Variants in NCKAP5 observed in about 807,000 individuals in gnomAD.
The protein encoded by NCKAP5 is NCK associated protein 5.
A neutral mutation model predicts 167.0 loss-of-function variants in NCKAP5; 92 were observed. The observed-to-expected ratio is 0.55, with a 90% confidence interval of 0.47 to 0.66. The LOEUF is 0.66. Ranked by LOEUF, NCKAP5 falls within the 30% of genes least tolerant of loss-of-function variation. NCKAP5 has a pLI of 0.00. For missense variants in NCKAP5, 2,378 were observed against 2,315.0 expected (o/e 1.03, Z -0.56); for synonymous variants, 891 against 877.4 (o/e 1.02, Z -0.27).
chr2:133,403,719 C>A (rs1688244161), intron 3 of NCKAP5, among the ~76,000 whole-genome samples: 1 of 152,214 alleles, frequency 6.6e-6, no homozygotes, highest in Non-Finnish European at 1.5e-5. Flanking sequence ...GGGCACGTTT[C>A]CTGTGATGCT....
At chr2:133,543,447 T>C (rs1173851273) in intron 2 of NCKAP5, among the ~76,000 whole-genome samples, 1 of 152,228 alleles carries the variant, frequency 6.6e-6, no homozygotes, top group Non-Finnish European at 1.5e-5. Context: ...CAGTACCAAG[T>C]AAGTGTACGA....
intron 9 of NCKAP5, among the ~76,000 whole-genome samples, chr2:132,875,367 C>G (rs551726530): frequency 6.6e-6 from 1 of 152,296 alleles, no homozygotes; most frequent in East Asian, 1.9e-4. Flanking sequence ...GCTCACCTAC[C>G]CGCTGCTCCT....
chr2:133,212,186 G>T (rs17800107), intron 5 of NCKAP5, among the ~76,000 whole-genome samples: 1 of 151,906 alleles, frequency 6.6e-6, no homozygotes, highest in African/African-American at 2.4e-5. Flanking sequence ...CAACTAGAAC[G>T]TCGCTGACGA....
intron 9 of NCKAP5, among the ~76,000 whole-genome samples, chr2:132,871,347 G>A (rs549166404): frequency 1.1e-4 from 16 of 152,194 alleles, no homozygotes; most frequent in Admixed American, 4.6e-4. Flanking sequence ...CAGAAGAATC[G>A]AACTATTCAT....
chr2:133,201,594 T>G (rs1376450468), intron 5 of NCKAP5, among the ~76,000 whole-genome samples: 3 of 152,192 alleles, frequency 2.0e-5, no homozygotes, highest in Non-Finnish European at 4.4e-5. Context: ...GAATTTATTG[T>G]GGTGATAAAG....
chr2:133,415,017 C>G (rs1689018100), intron 3 of NCKAP5, among the ~76,000 whole-genome samples: 1 of 152,176 alleles, frequency 6.6e-6, no homozygotes, highest in Admixed American at 6.5e-5. Flanking sequence ...TATGCTCACT[C>G]TATGCTTAGC....
chr2:133,588,304 TCCCTCCCTCCCCCTTCCTC>T, the NCKAP5 span, among the ~76,000 whole-genome samples: 1 of 116,878 alleles, frequency 8.6e-6, no homozygotes, highest in African/African-American at 3.3e-5. Flanking sequence ...TCGTCTTCTC[TCCCTCCCTCCCCCTTCCTC>T]CCCTCCCTTC....
Position 133,008,129 on chromosome 2 carries a change from G to A in NCKAP5, c.342-13890C>T, listed in dbSNP as rs187388168. On this transcript the variant is annotated intron_variant, in intron 6 of 19. Transcript: ENST00000409261. ...AATTGTGTCCAGGTGACTCAGGGCCGAAATTCAAGCAGGGCAAGTAAGTGT... is the reference window on the plus strand; with the variant it reads ...AATTGTGTCCAGGTGACTCAGGGCCAAAATTCAAGCAGGGCAAGTAAGTGT... 5.9e-5 allele frequency among the ~76,000 whole-genome samples: 9 copies of A among 152,248 alleles called. No individual in the cohort carries two copies. In the East Asian group the frequency reaches 9.6e-4, roughly 16 times the overall value.
chr2:132,766,829 C>T (rs939693529), intron 16 of NCKAP5, among the ~76,000 whole-genome samples: 6 of 152,226 alleles, frequency 3.9e-5, no homozygotes, highest in African/African-American at 1.4e-4. Flanking sequence ...TTTCATTTGA[C>T]TGTGGTGTAG....
At position 132,725,732 on chromosome 2, in the gene NCKAP5, A is replaced by T. The variant is rs1247881963; in HGVS notation, c.5608T>A (p.Ser1870Thr). ...TCACTATTACTGCCACCGCTGGCAG[A>T]GTACGTACACATTCTGGGTGCCTTG... Reference protein sequence around the residue: ...QDKAPRMCTYSASGGSNSDSD... With the variant: ...QDKAPRMCTYTASGGSNSDSD... Residue 1870 changes from serine to threonine, a missense_variant, in exon 19 of 20, where the codon TCT (serine) becomes ACT (threonine). Physicochemically the swap from Ser to Thr is moderately conservative, Grantham distance 58 (BLOSUM62 1). Transcript: ENST00000409261. 6.2e-7 allele frequency: 1 copy of T among 1,613,518 alleles called. No homozygotes were observed. The highest frequency in any genetic ancestry group is 1.3e-5 in the African/African-American group (1 of 74,916).
chr2:133,344,309 G>A (rs529602210), intron 3 of NCKAP5, among the ~76,000 whole-genome samples: 1 of 151,792 alleles, frequency 6.6e-6, no homozygotes, highest in African/African-American at 2.4e-5. Flanking sequence ...CCAGAAGGCT[G>A]AGGCGGGAGA....
At chr2:133,308,079 A>ATTTTTTTTTT (rs60111877) in intron 3 of NCKAP5, among the ~76,000 whole-genome samples, 1 of 89,396 alleles carries the variant, frequency 1.1e-5, no homozygotes, top group Non-Finnish European at 2.2e-5. Context: ...TTATTGTTCT[A>ATTTTTTTTTT]TTTTTTTTTT....
At chr2:133,610,681 T>G in the NCKAP5 span, among the ~76,000 whole-genome samples, 1 of 152,064 alleles carries the variant, frequency 6.6e-6, no homozygotes, top group Non-Finnish European at 1.5e-5. Context: ...TGGTTAAAAG[T>G]TAATAAACAC....
At chr2:132,836,411 A>AT (rs368305947) in intron 11 of NCKAP5, among the ~76,000 whole-genome samples, 44 of 144,396 alleles carry the variant, frequency 3.0e-4, no homozygotes, top group Middle Eastern at 3.6e-3. Flanking sequence ...TCCTAGGAGT[A>AT]TTTTTTTTTT....
intron 19 of NCKAP5, among the ~76,000 whole-genome samples, chr2:132,702,668 C>G (rs574390010): frequency 6.6e-6 from 1 of 152,248 alleles, no homozygotes; most frequent in East Asian, 1.9e-4. Context: ...TTGGTACTTT[C>G]TGTTTTTCTT....
chr2:133,653,241 C>G, the NCKAP5 span, among the ~76,000 whole-genome samples: 1 of 152,216 alleles, frequency 6.6e-6, no homozygotes, highest in Non-Finnish European at 1.5e-5. Flanking sequence ...ATCTTCTCTT[C>G]TCTATTCTCT....
intron 8 of NCKAP5, among the ~76,000 whole-genome samples, chr2:132,944,490 A>G (rs1458583930): frequency 1.3e-5 from 2 of 152,174 alleles, no homozygotes; most frequent in Admixed American, 6.5e-5. Flanking sequence ...TGATTTAAAT[A>G]TAGAGCAATG....
chr2:132,800,365 G>T (rs1036378713), intron 11 of NCKAP5, among the ~76,000 whole-genome samples: 1 of 152,122 alleles, frequency 6.6e-6, no homozygotes, highest in South Asian at 2.1e-4. Flanking sequence ...AGACATACTT[G>T]TTTTATTTTA....
At chr2:132,754,479 T>G (rs1680371912) in intron 16 of NCKAP5, among the ~76,000 whole-genome samples, 1 of 152,210 alleles carries the variant, frequency 6.6e-6, no homozygotes, top group Admixed American at 6.5e-5. Context: ...CATTTTAATA[T>G]CCAAGGGGTT....
Sources: gnomAD v4.1 joint callset for allele counts (sites outside exome capture counted in the v4.1 genomes callset) on GRCh38, gnomAD v4.1.1 for gene constraint, MANE v1.5 for transcripts, NCBI Gene and HGNC (gene_info 2026-07-23, HGNC 2026-07-21) for gene names.